Variants in ZNF780B observed in about 807,000 individuals in gnomAD.
ZNF780B encodes the protein zinc finger protein 780B, also known as zinc finger protein 779.
In ZNF780B, 52 loss-of-function variants were observed where a neutral mutation model predicts 74.1. The ratio of observed to expected loss-of-function variants is 0.70; its 90% confidence interval spans 0.56 to 0.88. The LOEUF (loss-of-function observed/expected upper bound fraction) is 0.88. Ranked by LOEUF, ZNF780B falls within the 40% of genes least tolerant of loss-of-function variation. ZNF780B has a pLI of 0.00. For missense variants in ZNF780B, 953 were observed against 1,007.6 expected (o/e 0.95, Z 0.73); for synonymous variants, 315 against 324.3 (o/e 0.97, Z 0.31).
At chr19:40,053,455 T>C (rs574459393) in intron 1 of ZNF780B, among the ~76,000 whole-genome samples, 1 of 152,302 alleles carries the variant, frequency 6.6e-6, no homozygotes, top group Non-Finnish European at 1.5e-5. Context: ...TTGCACACTG[T>C]TGGTGAGAAT....
intron 4 of ZNF780B, among the ~76,000 whole-genome samples, chr19:40,037,263 T>C (rs1405024777): frequency 6.7e-6 from 1 of 149,808 alleles, no homozygotes. Flanking sequence ...CTCTGTTGCA[T>C]AGGCTATAGT....
intron 4 of ZNF780B, among the ~76,000 whole-genome samples, chr19:40,042,803 CT>C (rs971265097): frequency 2.6e-5 from 4 of 152,168 alleles, no homozygotes; most frequent in Non-Finnish European, 5.9e-5. Flanking sequence ...ATCCATTCGT[CT>C]AATTTTTTTT....
intron 4 of ZNF780B, among the ~76,000 whole-genome samples, chr19:40,043,597 G>A (rs1265088546): frequency 6.6e-6 from 1 of 152,228 alleles, no homozygotes; most frequent in African/African-American, 2.4e-5. Flanking sequence ...ACCTAATCCT[G>A]GGCAATGGCA....
At chr19:40,037,259 T>C (rs559993638) in intron 4 of ZNF780B, among the ~76,000 whole-genome samples, 13 of 151,160 alleles carry the variant, frequency 8.6e-5, no homozygotes, top group Non-Finnish European at 1.8e-4. Flanking sequence ...CTCTCTCTGT[T>C]GCATAGGCTA....
intron 4 of ZNF780B, among the ~76,000 whole-genome samples, chr19:40,038,681 T>C (rs1972477759): frequency 2.0e-5 from 3 of 152,302 alleles, no homozygotes; most frequent in Non-Finnish European, 4.4e-5. Context: ...ATGAGCATTT[T>C]TTCATGTGTT....
chr19:40,047,743 G>A (rs1973000512), intron 3 of ZNF780B, among the ~76,000 whole-genome samples: 1 of 152,024 alleles, frequency 6.6e-6, no homozygotes. Flanking sequence ...TTGAAATCCT[G>A]TCTCTGCCAC....
chr19:40,051,180 C>T (rs1332702560), intron 1 of ZNF780B, among the ~76,000 whole-genome samples: 4 of 151,564 alleles, frequency 2.6e-5, no homozygotes, highest in Non-Finnish European at 5.9e-5. Flanking sequence ...GTGACTATGC[C>T]CAGGCATTTA....
At chr19:40,038,671 A>G (rs1237769066) in intron 4 of ZNF780B, among the ~76,000 whole-genome samples, 5 of 151,860 alleles carry the variant, frequency 3.3e-5, no homozygotes, top group East Asian at 3.9e-4. Flanking sequence ...GCCAGTGATG[A>G]TGAGCATTTT....
At position 40,036,467 on chromosome 19, in the gene ZNF780B, C is replaced by A; in HGVS notation, c.392G>T (p.Arg131Leu). The change falls in exon 5 of 5, where the codon CGA (arginine) becomes CTA (leucine). Residue 131 changes from arginine to leucine, a missense_variant. Coordinates refer to ENST00000434248, the MANE Select transcript of ZNF780B (RefSeq NM_001005851.3). ...GATATATCCTTCTTGATGTCCCTGT[C>A]GTCCCTCAAATCTACTTCTATATTC... ...DSEYRSRFEG[R>L]QGHQEGYINQ... 3 of 1,610,096 alleles carry A rather than the reference C, an allele frequency of 1.9e-6. No homozygotes were observed. The highest frequency in any genetic ancestry group is 8.5e-7 in the Non-Finnish European group (1 of 1,179,050).
At chr19:40,053,247 G>C (rs1426706516) in intron 1 of ZNF780B, among the ~76,000 whole-genome samples, 1 of 152,124 alleles carries the variant, frequency 6.6e-6, no homozygotes, top group East Asian at 1.9e-4. Context: ...ATTAAAAAAT[G>C]GGCAAAGGAC....
chr19:40,038,624 G>A (rs1599770937), intron 4 of ZNF780B, among the ~76,000 whole-genome samples: 2 of 146,614 alleles, frequency 1.4e-5, no homozygotes, highest in South Asian at 2.2e-4. Flanking sequence ...GTGTGAGATG[G>A]TATCTCATTG....
chr19:40,042,975 A>C lies in ZNF780B; in HGVS notation c.232+4400T>G, dbSNP rs536410585. Among the ~76,000 whole-genome samples the C allele has an allele frequency of 1.8e-3, 277 of 151,744 alleles. 4 individuals carry two copies. The highest frequency in any genetic ancestry group is 6.1e-3 in the African/African-American group (252 of 41,352). On this transcript the variant is annotated intron_variant, in intron 4 of 4. Transcript: ENST00000434248. ...TGCATTCCTTTGGAGGAGGAGAGGC[A>C]CTCTGCTTTTTAGAGTTTCCAGTTT...
At position 40,035,908 on chromosome 19, in the gene ZNF780B, A is replaced by G; in HGVS notation, c.951T>C (p.His317=). Residue 317 remains histidine, a synonymous_variant, in exon 5 of 5, where the codon CAT becomes CAC. Transcript: ENST00000434248. ...CRECEMAFRY[H]YQLIEHCRIH... The stretch of plus-strand genomic sequence containing the variant: ...TTCGGCAATGTTCAATGAGTTGGTA[A>G]TGATATCGAAAGGCCATCTCACATT... 6.2e-7 allele frequency: 1 copy of G among 1,613,380 alleles called. No individual in the cohort carries two copies. The highest frequency in any genetic ancestry group is 8.5e-7 in the Non-Finnish European group (1 of 1,179,846).
intron 4 of ZNF780B, 23 bp downstream of exon 4, chr19:40,047,352 C>A: frequency 6.3e-7 from 1 of 1,587,646 alleles, no homozygotes; most frequent in South Asian, 1.1e-5. Context: ...TGGCTTCCCC[C>A]TGCCTGCTTT....
In ZNF780B at chr19:40,034,327, C is replaced by T. The variant is rs1308540152; in HGVS notation, c.*30G>A. 4 of 1,541,696 alleles carry T rather than the reference C, an allele frequency of 2.6e-6. No individual in the cohort carries two copies. The highest frequency in any genetic ancestry group is 2.7e-5 in the African/African-American group (2 of 72,934). Reference sequence around the variant, plus strand: ...TGAAATTGGTAATGATATTGAAAGGCCTTCCCACATTCCTTACATTCAAAG... The same window carrying T: ...TGAAATTGGTAATGATATTGAAAGGTCTTCCCACATTCCTTACATTCAAAG... On this transcript the variant is annotated 3_prime_UTR_variant, in exon 5 of 5. Transcript: ENST00000434248.
At chr19:40,048,969 A>T in intron 2 of ZNF780B, 173 bp from the exon 3 acceptor site, 3 of 1,045,224 alleles carry the variant, frequency 2.9e-6, no homozygotes, top group Non-Finnish European at 4.0e-6. Flanking sequence ...CATGCCTGTT[A>T]TACCAGCACT....
intron 3 of ZNF780B, among the ~76,000 whole-genome samples, chr19:40,047,728 C>T (rs1347891861): frequency 6.6e-6 from 1 of 152,008 alleles, no homozygotes; most frequent in African/African-American, 2.4e-5. Context: ...AGCCAGATTA[C>T]CTGGTTGAAA....
In ZNF780B at chr19:40,035,600, T is replaced by C; in HGVS notation, c.1259A>G (p.Lys420Arg). ...IHADVKPYEC[K>R]ECGKGFNRGA... The stretch of plus-strand genomic sequence containing the variant: ...ACGATTAAAGCCTTTCCCACACTCC[T>C]TACATTCATATGGTTTTACATCAGC... The change falls in exon 5 of 5, where the codon AAG becomes AGG. Residue 420 changes from lysine to arginine, a missense_variant. Physicochemically the swap from Lys to Arg is conservative, Grantham distance 26 (BLOSUM62 2). Coordinates refer to ENST00000434248, the MANE Select transcript of ZNF780B (RefSeq NM_001005851.3). 1 of 1,613,826 alleles carries C rather than the reference T, an allele frequency of 6.2e-7. No individual in the cohort carries two copies. Among genetic ancestry groups the C allele is most frequent in the South Asian group, 1.1e-5 (1 of 91,048 alleles).
chr19:40,047,179 T>G, intron 4 of ZNF780B, 196 bp downstream of exon 4: 1 of 521,942 alleles, frequency 1.9e-6, no homozygotes, highest in South Asian at 2.3e-5. Context: ...GATTAGTAAA[T>G]GATGAAGTTC....
Sources: gnomAD v4.1 joint callset for allele counts (sites outside exome capture counted in the v4.1 genomes callset) on GRCh38, gnomAD v4.1.1 for gene constraint, MANE v1.5 for transcripts, NCBI Gene and HGNC (gene_info 2026-07-23, HGNC 2026-07-21) for gene names.